Variants in GAREM1 observed in about 807,000 individuals in gnomAD.
GAREM1 encodes GRB2 associated regulator of MAPK1 subtype 1.
A neutral mutation model predicts 71.3 loss-of-function variants in GAREM1; 26 were observed. The ratio of observed to expected loss-of-function variants is 0.36; its 90% CI spans 0.27 to 0.51. The LOEUF is 0.51. GAREM1 is among the 20% of genes least tolerant of loss of function. The probability of loss-of-function intolerance (pLI) is 0.95; values close to 1 mark genes in which losing one functional copy is unlikely to be tolerated. For missense variants in GAREM1, 1,026 were observed against 1,103.1 expected, an observed-to-expected ratio of 0.93 and a Z score of 0.99; for synonymous variants, 440 against 433.2, an observed-to-expected ratio of 1.02 and a Z score of -0.20.
At chr18:32,293,954 ATTC>A (rs2047114145) in intron 3 of GAREM1, among the ~76,000 whole-genome samples, 1 of 152,192 alleles carries the variant, frequency 6.6e-6, no homozygotes, top group South Asian at 2.1e-4. Context: ...CCTGGTGTGT[ATTC>A]TTAACAAAAT....
intron 2 of GAREM1, among the ~76,000 whole-genome samples, chr18:32,364,007 T>C (rs1457019191): frequency 8.3e-5 from 4 of 48,048 alleles, no homozygotes; most frequent in African/African-American, 4.0e-4. Flanking sequence ...TATATATATA[T>C]ATATATATAT....
intron 1 of GAREM1, among the ~76,000 whole-genome samples, chr18:32,456,279 G>T (rs1402263567): frequency 6.6e-6 from 1 of 152,058 alleles, no homozygotes; most frequent in African/African-American, 2.4e-5. Context: ...AAAACCAACA[G>T]AAAGTATGAT....
At chr18:32,466,138 A>C (rs577919886) in intron 1 of GAREM1, among the ~76,000 whole-genome samples, 1 of 152,250 alleles carries the variant, frequency 6.6e-6, no homozygotes, top group South Asian at 2.1e-4. Context: ...CTTATGATCA[A>C]AATAAATACG....
chr18:32,367,904 T>C (rs943287106), intron 2 of GAREM1, among the ~76,000 whole-genome samples: 11 of 152,196 alleles, frequency 7.2e-5, no homozygotes, highest in African/African-American at 2.7e-4. Context: ...AGGGCGTTCC[T>C]GAGACAAGGC....
At chr18:32,288,349 A>T in intron 3 of GAREM1, 146 bp from the exon 4 acceptor site, 1 of 613,538 alleles carries the variant, frequency 1.6e-6, no homozygotes, top group East Asian at 2.8e-5. Flanking sequence ...CATTTCTTTT[A>T]TTATACTTAC....
chr18:32,455,174 T>G (rs2048875553), intron 1 of GAREM1, among the ~76,000 whole-genome samples: 1 of 152,172 alleles, frequency 6.6e-6, no homozygotes, highest in African/African-American at 2.4e-5. Context: ...GGTTTTGACA[T>G]TAAGATGTAA....
chr18:32,392,062 C>T (rs2048206012), intron 2 of GAREM1, among the ~76,000 whole-genome samples: 1 of 152,146 alleles, frequency 6.6e-6, no homozygotes, highest in Non-Finnish European at 1.5e-5. Flanking sequence ...AACACAATGG[C>T]AGTCTAGGGC....
rs1406917013 is a variant in GAREM1, at chr18:32,264,008, GT to G, written c.*3862del. On this transcript the variant is annotated 3_prime_UTR_variant, in exon 6 of 6. Transcript: ENST00000269209. Reference sequence around the variant, plus strand: ...TAAACTGAAATCACGTTTATTCCTTGTTTCTGGCTATCACAATGAGACAAAT... The same window carrying G: ...TAAACTGAAATCACGTTTATTCCTTGTTCTGGCTATCACAATGAGACAAAT... 6.6e-6 allele frequency: 1 copy of G among 152,120 alleles called. No individual in the cohort carries two copies. The highest frequency in any genetic ancestry group is 1.5e-5 in the Non-Finnish European group (1 of 68,000). The allele number at this position is 152,120 out of a possible 1,614,324, so 9.4% of individuals were successfully genotyped here.
chr18:32,345,489 T>C (rs1198512646), intron 2 of GAREM1, among the ~76,000 whole-genome samples: 1 of 152,196 alleles, frequency 6.6e-6, no homozygotes, highest in African/African-American at 2.4e-5. Flanking sequence ...TTAATTCCAT[T>C]TGAACCTGCA....
intron 2 of GAREM1, among the ~76,000 whole-genome samples, chr18:32,345,065 A>T (rs189846111): frequency 7.6e-4 from 116 of 152,346 alleles, no homozygotes; most frequent in Admixed American, 4.8e-3. Flanking sequence ...CAGTCTCGAA[A>T]AAAACAAAAA....
chr18:32,395,047 T>A (rs189685591), intron 1 of GAREM1, among the ~76,000 whole-genome samples: 17 of 152,312 alleles, frequency 1.1e-4, no homozygotes, highest in African/African-American at 3.6e-4. Context: ...AATCCTTCTA[T>A]AAATATTGTA....
intron 2 of GAREM1, among the ~76,000 whole-genome samples, chr18:32,389,231 G>A (rs2048174416): frequency 6.6e-6 from 1 of 152,182 alleles, no homozygotes; most frequent in African/African-American, 2.4e-5. Context: ...AGGGGTGTCA[G>A]TATTCAACTA....
Position 32,439,611 on chromosome 18 carries a change from C to T in GAREM1, c.121+30697G>A, listed in dbSNP as rs1481129160. On this transcript the variant is annotated intron_variant, in intron 1 of 5. Transcript: ENST00000269209. ...AGATATTGAGAAAACACCTGAAATG[C>T]TTTGGTTGGAAAGTAACAGAGTGAC... Among the ~76,000 whole-genome samples the T allele has an allele frequency of 4.6e-5, 7 of 151,094 alleles. No homozygotes were observed. In the East Asian group the frequency reaches 1.2e-3, roughly 25 times the overall value.
intron 1 of GAREM1, among the ~76,000 whole-genome samples, chr18:32,402,198 A>G (rs1300150259): frequency 6.6e-6 from 1 of 152,230 alleles, no homozygotes; most frequent in East Asian, 1.9e-4. Context: ...TCAACAATGT[A>G]GTAATGAGAC....
intron 4 of GAREM1, among the ~76,000 whole-genome samples, chr18:32,277,340 C>T (rs2041556537): frequency 6.6e-6 from 1 of 152,192 alleles, no homozygotes; most frequent in Non-Finnish European, 1.5e-5. Context: ...GTCAACTGTA[C>T]ACTGATGCCT....
chr18:32,329,659 T>C (rs1377897645), intron 2 of GAREM1, among the ~76,000 whole-genome samples: 1 of 142,422 alleles, frequency 7.0e-6, no homozygotes, highest in African/African-American at 2.7e-5. Context: ...TGAGCCGAGA[T>C]TGCGCCACTG....
intron 3 of GAREM1, among the ~76,000 whole-genome samples, chr18:32,305,526 T>C (rs983086806): frequency 1.3e-5 from 2 of 152,286 alleles, no homozygotes; most frequent in Middle Eastern, 3.4e-3. Flanking sequence ...TTCTTTTTTG[T>C]TGTTGTTTTT....
At chr18:32,406,088 T>A (rs568929643) in intron 1 of GAREM1, among the ~76,000 whole-genome samples, 85 of 152,354 alleles carry the variant, frequency 5.6e-4, no homozygotes, top group African/African-American at 1.9e-3. Context: ...CTTGCAAAGG[T>A]AGCTTAGGCT....
At chr18:32,340,612 C>T (rs2047638792) in intron 2 of GAREM1, among the ~76,000 whole-genome samples, 1 of 152,148 alleles carries the variant, frequency 6.6e-6, no homozygotes, top group South Asian at 2.1e-4. Flanking sequence ...AAAATTTTCT[C>T]TTAAAATTTT....
Sources: gnomAD v4.1 joint callset for allele counts (sites outside exome capture counted in the v4.1 genomes callset) on GRCh38, gnomAD v4.1.1 for gene constraint, MANE v1.5 for transcripts, NCBI Gene and HGNC (gene_info 2026-07-23, HGNC 2026-07-21) for gene names.